Variants in EIF2AK4 observed in about 807,000 individuals in gnomAD.
The protein encoded by EIF2AK4 is eukaryotic translation initiation factor 2 alpha kinase 4, also known as eIF-2-alpha kinase GCN2.
EIF2AK4 carries 139 observed loss-of-function variants against 211.1 expected under a neutral mutation model. That is an observed-to-expected ratio of 0.66 (90% CI 0.57 to 0.76). The LOEUF is 0.76. Among genes scored for constraint, EIF2AK4 ranks in the 30% least tolerant of loss-of-function variants. The pLI, the probability that EIF2AK4 is intolerant of heterozygous loss-of-function variation, is 0.00. For missense variants in EIF2AK4, 1,664 were observed against 2,043.8 expected (o/e 0.81, Z 3.58); for synonymous variants, 710 against 751.3 (o/e 0.94, Z 0.90).
In EIF2AK4 at chr15:39,943,455, A is replaced by G. The variant is rs776564791; in HGVS notation, c.330A>G (p.Leu110=). The G allele has an allele frequency of 1.3e-6, 2 of 1,586,324 alleles. No individual in the cohort carries two copies. Among genetic ancestry groups the G allele is most frequent in the Admixed American group, 3.7e-5 (2 of 54,556 alleles). The stretch of plus-strand genomic sequence containing the variant: ...GTGTCAATTTGTTAAAATCTCGCCT[A>G]GAAGAACTGGCCAAGAAACACTGTG... ...NESVNLLKSR[L]EELAKKHCGE... Residue 110 remains leucine (L), a synonymous_variant, in exon 3 of 39, where the codon CTA becomes CTG. Transcript: ENST00000263791.
chr15:39,946,742 G>A, intron 3 of EIF2AK4: 1 of 682,538 alleles, frequency 1.5e-6, no homozygotes, highest in Non-Finnish European at 2.7e-6. Context: ...TTAAGAAATT[G>A]CCGCAACCAC....
chr15:39,939,439 T>G, intron 1 of EIF2AK4, 66 bp from the exon 2 acceptor site: 1 of 911,438 alleles, frequency 1.1e-6, no homozygotes, highest in Non-Finnish European at 1.6e-6. Context: ...AAATGATCAT[T>G]ATCTTAATCA....
At chr15:39,971,198 A>G (rs1228546117) in intron 9 of EIF2AK4, among the ~76,000 whole-genome samples, 1 of 152,196 alleles carries the variant, frequency 6.6e-6, no homozygotes, top group Admixed American at 6.5e-5. Context: ...CTGCCTGGGC[A>G]ACATAGTAAG....
At chr15:39,978,890 A>C (rs969968146) in intron 13 of EIF2AK4, among the ~76,000 whole-genome samples, 4 of 152,234 alleles carry the variant, frequency 2.6e-5, no homozygotes, top group African/African-American at 9.6e-5. Context: ...CATCATGTGA[A>C]AGCAACAGTC....
intron 18 of EIF2AK4, 91 bp from the exon 19 acceptor site, chr15:39,996,873 T>C: frequency 1.1e-6 from 1 of 934,304 alleles, no homozygotes; most frequent in Non-Finnish European, 1.7e-6. Flanking sequence ...CTACAAACTT[T>C]ATTTCAGCTA....
chr15:39,990,015 A>G (rs979384121), intron 15 of EIF2AK4, among the ~76,000 whole-genome samples: 3 of 152,220 alleles, frequency 2.0e-5, no homozygotes, highest in Non-Finnish European at 4.4e-5. Context: ...TGGTGAACCC[A>G]GTGGAAGGGG....
chr15:39,959,434 CT>C (rs1179082247), intron 6 of EIF2AK4, among the ~76,000 whole-genome samples: 2 of 152,182 alleles, frequency 1.3e-5, no homozygotes, highest in African/African-American at 4.8e-5. Context: ...AGAATTGTTT[CT>C]GCTACAACCT....
At chr15:39,999,034 G>C (rs900056193) in intron 20 of EIF2AK4, among the ~76,000 whole-genome samples, 5 of 151,570 alleles carry the variant, frequency 3.3e-5, no homozygotes, top group Non-Finnish European at 5.9e-5. Context: ...TGCTTTTGAA[G>C]TGCTATTTGG....
intron 4 of EIF2AK4, chr15:39,951,491 C>A: frequency 2.4e-6 from 1 of 410,044 alleles, no homozygotes; most frequent in South Asian, 1.8e-5. Flanking sequence ...AGATAGGCCT[C>A]ACTTGCCTTC....
At chr15:40,033,659 A>G (rs8042947) in intron 37 of EIF2AK4, among the ~76,000 whole-genome samples, 54,600 of 152,082 alleles carry the variant, frequency 0.36, 10,705 homozygotes, top group African/African-American at 0.5. Context: ...ATATACCACT[A>G]TCTCACTGGC....
intron 21 of EIF2AK4, 95 bp from the exon 22 acceptor site, chr15:40,002,618 A>G (rs1442696041): frequency 7.8e-7 from 1 of 1,278,470 alleles, no homozygotes; most frequent in East Asian, 2.3e-5. Flanking sequence ...CCTGGAAATA[A>G]GCAGTGTAGT....
intron 23 of EIF2AK4, 131 bp downstream of exon 23, chr15:40,003,445 G>C (rs1484861897): frequency 7.2e-7 from 1 of 1,387,106 alleles, no homozygotes; most frequent in Non-Finnish European, 9.6e-7. Context: ...TCTTGAGGAA[G>C]TTGTCAGAGT....
intron 18 of EIF2AK4, among the ~76,000 whole-genome samples, chr15:39,994,863 T>A (rs1302117352): frequency 1.3e-5 from 2 of 152,008 alleles, no homozygotes; most frequent in African/African-American, 4.8e-5. Flanking sequence ...TATTTTGAGA[T>A]GGAGTCTTGC....
chr15:40,029,257 T>A, intron 33 of EIF2AK4, 149 bp from the exon 34 acceptor site: 1 of 1,362,194 alleles, frequency 7.3e-7, no homozygotes, highest in South Asian at 1.9e-5. Flanking sequence ...AAATGCAAAT[T>A]TTTTGTTTTT....
intron 37 of EIF2AK4, 74 bp from the exon 38 acceptor site, chr15:40,034,252 C>A: frequency 8.9e-7 from 1 of 1,126,704 alleles, no homozygotes; most frequent in Admixed American, 1.9e-5. Flanking sequence ...ACTGGAATTT[C>A]ATTAGTGACC....
chr15:39,976,638 T>G lies in EIF2AK4; in HGVS notation c.2043T>G (p.Ala681=), dbSNP rs1483262611. Residue 681 remains alanine, a synonymous_variant, in exon 12 of 39, where the codon GCT becomes GCG. Transcript: ENST00000263791. ...DSGPLAKDDR[A]ARGQPASDTD... The stretch of plus-strand genomic sequence containing the variant: ...GGCCCCTGGCCAAGGATGACCGAGC[T>G]GCACGCGGGCAGCCGGCGAGCGACA... 6.2e-7 allele frequency: 1 copy of G among 1,604,734 alleles called. No individual in the cohort carries two copies. Among genetic ancestry groups the G allele is most frequent in the African/African-American group, 1.3e-5 (1 of 74,572 alleles).
rs1188774070 is a variant in EIF2AK4 at position 40,017,206 on chromosome 15, T to C, written c.4029T>C (p.Pro1343=). The C allele has an allele frequency of 1.2e-6, 2 of 1,613,742 alleles. No homozygotes were observed. Among genetic ancestry groups the C allele is most frequent in the Non-Finnish European group, 1.7e-6 (2 of 1,179,686 alleles). The part of the protein sequence containing the change: ...AFIKRRQRAV[P]EILAAGGRYD... ...TCAAACGAAGGCAAAGGGCTGTACC[T>C]GAAATCCTCGCAGCTGGAGGCAGAT... The change falls in exon 29 of 39, where the codon CCT becomes CCC. Residue 1343 remains proline, a synonymous_variant. Coordinates refer to ENST00000263791, the MANE Select transcript of EIF2AK4 (RefSeq NM_001013703.4).
chr15:39,978,079 C>T lies in EIF2AK4; in HGVS notation c.2251C>T (p.Pro751Ser). 1 of 1,593,364 alleles carries T rather than the reference C, an allele frequency of 6.3e-7. No homozygotes were observed. The highest frequency in any genetic ancestry group is 8.6e-7 in the Non-Finnish European group (1 of 1,166,802). ...AGTATTTCTGTTTCCCTTTTTCAGG[C>T]CTGCTTCAGATTCTGAAAGTGATAT... ...HGGVFSQSFLPASDSESDIIF... is the reference protein window; with the variant it reads ...HGGVFSQSFLSASDSESDIIF... Residue 751 changes from proline to serine, a missense_variant and splice_region_variant, in exon 13 of 39, where the codon CCT (proline) becomes TCT (serine). This residue lies in a region of EIF2AK4 where 206 missense variants were observed against 201.9 expected (regional missense o/e 1.02). Transcript: ENST00000263791.
chr15:39,985,372 AG>A (rs1391326753), intron 13 of EIF2AK4, among the ~76,000 whole-genome samples: 1 of 152,214 alleles, frequency 6.6e-6, no homozygotes, highest in Non-Finnish European at 1.5e-5. Flanking sequence ...CTCATAAAAA[AG>A]GGAGGAGTCC....
Sources: gnomAD v4.1 joint callset for allele counts (sites outside exome capture counted in the v4.1 genomes callset) on GRCh38, gnomAD v4.1.1 for gene constraint, gnomAD v4.1.1 regional missense constraint, MANE v1.5 for transcripts, NCBI Gene and HGNC (gene_info 2026-07-23, HGNC 2026-07-21) for gene names.